Variants in TXN observed in about 807,000 individuals in gnomAD.
The protein encoded by TXN is thioredoxin.
Under a neutral mutation model 16.5 loss-of-function variants are expected in TXN, and 10 were observed. The ratio of observed to expected loss-of-function variants is 0.61; its 90% CI spans 0.37 to 1.03. The LOEUF (loss-of-function observed/expected upper bound fraction) is 1.03, where lower values mean the gene tolerates loss of function less well. Ranked by LOEUF, TXN falls within the 50% of genes least tolerant of loss-of-function variation. The pLI is 0.01. For missense variants in TXN, 71 were observed against 122.5 expected (o/e 0.58, Z 1.98); for synonymous variants, 35 against 39.4 (o/e 0.89, Z 0.42).
At chr9:110,254,144 G>A (rs899727399) in intron 1 of TXN, among the ~76,000 whole-genome samples, 1 of 151,998 alleles carries the variant, frequency 6.6e-6, no homozygotes, top group Non-Finnish European at 1.5e-5. Flanking sequence ...CACCAACAGA[G>A]TACCTCAGAA....
At chr9:110,247,495 T>C (rs1019478973) in intron 3 of TXN, among the ~76,000 whole-genome samples, 1 of 152,144 alleles carries the variant, frequency 6.6e-6, no homozygotes, top group Admixed American at 6.5e-5. Context: ...CATAAGATTA[T>C]AATGAAGTTG....
At chr9:110,245,904 A>G (rs1038142174) in intron 3 of TXN, among the ~76,000 whole-genome samples, 3 of 151,672 alleles carry the variant, frequency 2.0e-5, no homozygotes, top group African/African-American at 7.3e-5. Context: ...ATCTCTACTA[A>G]AAATACAAAA....
rs897329189 is a variant in TXN, at chr9:110,252,522, T to C, written c.25-1060A>G. Among the ~76,000 whole-genome samples, 14 of 152,234 alleles carry C rather than the reference T, an allele frequency of 9.2e-5. No homozygotes were observed. In the East Asian group the frequency reaches 9.6e-4, roughly 10 times the overall value. On this transcript the variant is annotated intron_variant, in intron 1 of 4. Coordinates refer to ENST00000374517, the MANE Select transcript of TXN (RefSeq NM_003329.4). Reference sequence around the variant, plus strand: ...AGATATTATTTTTCATAAGGAATGCTTGTTAAATAAAATTCTCAGTAGAAA... The same window carrying C: ...AGATATTATTTTTCATAAGGAATGCCTGTTAAATAAAATTCTCAGTAGAAA...
At chr9:110,250,270 T>C (rs1340587907) in intron 3 of TXN, among the ~76,000 whole-genome samples, 1 of 152,244 alleles carries the variant, frequency 6.6e-6, no homozygotes, top group Non-Finnish European at 1.5e-5. Context: ...GCCTGGTATA[T>C]ACCTAGTGCA....
Position 110,244,656 on chromosome 9 carries a change from T to G in TXN, c.255+122A>C. 4 of 845,644 alleles carry G rather than the reference T, an allele frequency of 4.7e-6. No homozygotes were observed. In the Admixed American group the frequency reaches 8.8e-5, roughly 19 times the overall value. The allele number at this position is 845,644 out of a possible 1,614,324, so 52.4% of individuals were successfully genotyped here. A position where few individuals can be genotyped will look rare whatever the true frequency, so the allele number is the denominator to read the frequency against. ...AATGAATTTTGGCATATTTAAAAAT[T>G]CTTAAAAGCAGAACTTGGTGATATG... On this transcript the variant is annotated intron_variant, in intron 4 of 4. Coordinates refer to ENST00000374517, the MANE Select transcript of TXN (RefSeq NM_003329.4).
intron 1 of TXN, among the ~76,000 whole-genome samples, chr9:110,253,402 T>C (rs925534619): frequency 6.6e-6 from 1 of 152,180 alleles, no homozygotes; most frequent in Non-Finnish European, 1.5e-5. Flanking sequence ...AAATCATCAC[T>C]TATTGTTCCA....
At chr9:110,251,614 TCCCC>T (rs1837738830) in intron 1 of TXN, 152 bp from the exon 2 acceptor site, 1 of 275,426 alleles carries the variant, frequency 3.6e-6, no homozygotes, top group Non-Finnish European at 6.2e-6. Flanking sequence ...AAAAAAAAAA[TCCCC>T]AAACAAGCCA....
intron 3 of TXN, among the ~76,000 whole-genome samples, chr9:110,247,322 C>CAAA (rs5899888): frequency 3.6e-5 from 3 of 82,720 alleles, no homozygotes; most frequent in Non-Finnish European, 7.3e-5. Flanking sequence ...GACTCTGTCT[C>CAAA]AAAAAAAAAA....
Position 110,256,150 on chromosome 9 carries a change from G to A in TXN, c.24+262C>T, listed in dbSNP as rs1312761343. Among the ~76,000 whole-genome samples, 2 of 152,128 alleles carry A rather than the reference G, an allele frequency of 1.3e-5. No homozygotes were observed. Among genetic ancestry groups the A allele is most frequent in the Non-Finnish European group, 2.9e-5 (2 of 68,010 alleles). On this transcript the variant is annotated intron_variant, in intron 1 of 4. Transcript: ENST00000374517. This position sits in a 1 kb window ranked among gnomAD's most constrained non-coding sequence, Gnocchi z 4.2. ...CCCCGAGGAACAGGGTGCGAGAAAC[G>A]CTGGGCACCGCCACTCCGCCCTCCA...
At chr9:110,244,888 C>A (rs755936857) in intron 3 of TXN, 45 bp from the exon 4 acceptor site, 3 of 1,513,100 alleles carry the variant, frequency 2.0e-6, no homozygotes, top group African/African-American at 1.4e-5. Flanking sequence ...TACAAGACTG[C>A]GAGTACTGAG....
At chr9:110,245,618 CTATATATATATATATATATATATATA>C (rs1170640168) in intron 3 of TXN, among the ~76,000 whole-genome samples, 1 of 30,890 alleles carries the variant, frequency 3.2e-5, no homozygotes, top group Non-Finnish European at 5.1e-5. Context: ...CACACACACA[CTATATATATATATATATATATATATA>C]TATATATATA....
intron 2 of TXN, 31 bp from the exon 3 acceptor site, chr9:110,250,910 G>C: frequency 6.5e-7 from 1 of 1,535,364 alleles, no homozygotes; most frequent in Non-Finnish European, 9.0e-7. Context: ...AATCCAAAAA[G>C]ATTTAGAACT....
intron 1 of TXN, among the ~76,000 whole-genome samples, chr9:110,253,939 T>C (rs544279841): frequency 6.6e-6 from 1 of 152,250 alleles, no homozygotes; most frequent in South Asian, 2.1e-4. Flanking sequence ...GAGTCTAAGA[T>C]CTCGTTGCCT....
chr9:110,249,498 T>G (rs1197257995), intron 3 of TXN, among the ~76,000 whole-genome samples: 2 of 151,986 alleles, frequency 1.3e-5, no homozygotes, highest in Non-Finnish European at 2.9e-5. Flanking sequence ...AGGACAGACA[T>G]AAAGATCATT....
At position 110,256,297 on chromosome 9, in the gene TXN, G is replaced by C. The variant is rs1837808685; in HGVS notation, c.24+115C>G. The C allele has an allele frequency of 8.7e-7, 1 of 1,147,174 alleles. No homozygotes were observed. Among genetic ancestry groups the C allele is most frequent in the Non-Finnish European group, 1.3e-6 (1 of 795,276 alleles). 71.1% of individuals were successfully genotyped at this position (1,147,174 alleles called of 1,614,324 possible). The stretch of plus-strand genomic sequence containing the variant: ...CGCGTCCCTTTCCCCTGGCGATGCG[G>C]AGGGGCGGCCTCCGCACCTCCCGCC... On this transcript the variant is annotated intron_variant, in intron 1 of 4. Coordinates refer to ENST00000374517, the MANE Select transcript of TXN (RefSeq NM_003329.4). This position sits in a 1 kb window ranked among gnomAD's most constrained non-coding sequence, Gnocchi z 4.2.
At chr9:110,246,515 G>T (rs901182941) in intron 3 of TXN, among the ~76,000 whole-genome samples, 5 of 152,140 alleles carry the variant, frequency 3.3e-5, no homozygotes, top group Admixed American at 3.3e-4. Flanking sequence ...CTCAAAAGAG[G>T]ACTGGGAAAG....
At position 110,256,311 on chromosome 9, in the gene TXN, G is replaced by A; in HGVS notation, c.24+101C>T. Reference sequence around the variant, plus strand: ...CTGGCGATGCGGAGGGGCGGCCTCCGCACCTCCCGCCACCGCCTTCCCCAC... The same window carrying A: ...CTGGCGATGCGGAGGGGCGGCCTCCACACCTCCCGCCACCGCCTTCCCCAC... On this transcript the variant is annotated intron_variant, in intron 1 of 4. Coordinates refer to ENST00000374517, the MANE Select transcript of TXN (RefSeq NM_003329.4). The surrounding 1 kb of genome is among the most constrained non-coding windows in gnomAD (Gnocchi z 4.2). 3 of 1,233,516 alleles carry A rather than the reference G, an allele frequency of 2.4e-6. No individual in the cohort carries two copies. The highest frequency in any genetic ancestry group is 3.4e-6 in the Non-Finnish European group (3 of 877,306). The allele number at this position is 1,233,516 out of a possible 1,614,324, so 76.4% of individuals were successfully genotyped here. A position where few individuals can be genotyped will look rare whatever the true frequency, so the allele number is the denominator to read the frequency against.
intron 1 of TXN, among the ~76,000 whole-genome samples, chr9:110,254,058 T>C (rs578205424): frequency 3.0e-4 from 45 of 152,098 alleles, no homozygotes; most frequent in Non-Finnish European, 6.2e-4. Flanking sequence ...TTTTTAAAAG[T>C]GTTTATTTCT....
At chr9:110,246,717 C>A (rs770364587) in intron 3 of TXN, among the ~76,000 whole-genome samples, 2 of 152,096 alleles carry the variant, frequency 1.3e-5, no homozygotes, top group Non-Finnish European at 2.9e-5. Flanking sequence ...TCTAGGTAAT[C>A]TTTACTTTTT....
Sources: allele counts gnomAD v4.1 joint callset (sites outside exome capture counted in the v4.1 genomes callset), GRCh38; gene constraint gnomAD v4.1.1; non-coding constraint Gnocchi (gnomAD v3.1); transcripts MANE v1.5; gene names NCBI Gene and HGNC (gene_info 2026-07-23, HGNC 2026-07-21).